ZNF850: variants seen among roughly 807,000 people sequenced by gnomAD.
The protein encoded by ZNF850 is zinc finger protein 850.
In ZNF850, 2 loss-of-function variants were observed where a neutral mutation model predicts 11.9. The ratio of observed to expected loss-of-function variants is 0.17; its 90% confidence interval spans 0.07 to 0.53. ZNF850 has a LOEUF of 0.53. Among genes scored for constraint, ZNF850 ranks in the 20% least tolerant of loss-of-function variants. The pLI is 0.94. For missense variants in ZNF850, 1,014 were observed against 1,316.4 expected, an observed-to-expected ratio of 0.77 and a Z score of 3.55; for synonymous variants, 381 against 443.0, an observed-to-expected ratio of 0.86 and a Z score of 1.76.
chr19:36,768,507 C>T (rs1051972159), intron 1 of ZNF850, among the ~76,000 whole-genome samples: 15 of 152,226 alleles, frequency 9.9e-5, no homozygotes, highest in African/African-American at 3.6e-4. Flanking sequence ...GTACAAAATG[C>T]CACCTTATAG....
chr19:36,750,000 G>A lies in ZNF850; in HGVS notation c.1040C>T (p.Ala347Val), dbSNP rs2040442446. 1 of 1,550,836 alleles carries A rather than the reference G, an allele frequency of 6.4e-7. No individual in the cohort carries two copies. Among genetic ancestry groups the A allele is most frequent in the Non-Finnish European group, 8.7e-7 (1 of 1,150,906 alleles). Residue 347 changes from alanine to valine, a missense_variant, in exon 5 of 5, where the codon GCT becomes GTT. This residue lies in a region of ZNF850 where 835 missense variants were observed against 1,022.0 expected (regional missense o/e 0.82). Coordinates refer to ENST00000591344, the MANE Select transcript of ZNF850 (RefSeq NM_001193552.2). ...ATGTCGAATTAGTGCTGAGCCTGAA[G>A]CAAAAGATTTTCCACATTCCTTACA... ...YDCKECGKSF[A>V]SGSALIRHQR...
chr19:36,764,623 C>T (rs141502224), intron 1 of ZNF850, among the ~76,000 whole-genome samples: 28 of 152,074 alleles, frequency 1.8e-4, no homozygotes, highest in African/African-American at 5.1e-4. Context: ...TCTCAAGATA[C>T]GCCAAAACTG....
chr19:36,752,013 C>G (rs1174257083), intron 4 of ZNF850, among the ~76,000 whole-genome samples: 1 of 151,920 alleles, frequency 6.6e-6, no homozygotes, highest in African/African-American at 2.4e-5. Context: ...ATCTCACTAG[C>G]AAAAAGGCCA....
In ZNF850 at chr19:36,750,005, A is replaced by C; in HGVS notation, c.1035T>G (p.Ser345=). 3.9e-6 allele frequency: 6 copies of C among 1,549,354 alleles called. No homozygotes were observed. The highest frequency in any genetic ancestry group is 5.2e-6 in the Non-Finnish European group (6 of 1,150,248). ...KPYDCKECGK[S]FASGSALIRH... ...GAATTAGTGCTGAGCCTGAAGCAAAAGATTTTCCACATTCCTTACAATCAT... is the reference window on the plus strand; with the variant it reads ...GAATTAGTGCTGAGCCTGAAGCAAACGATTTTCCACATTCCTTACAATCAT... The change falls in exon 5 of 5, where the codon TCT becomes TCG. Residue 345 remains serine, a synonymous_variant. Coordinates refer to ENST00000591344, the MANE Select transcript of ZNF850 (RefSeq NM_001193552.2).
Position 36,747,455 on chromosome 19 carries a change from C to G in ZNF850, c.*312G>C, listed in dbSNP as rs897635612. 1 of 211,610 alleles carries G rather than the reference C, an allele frequency of 4.7e-6. No individual in the cohort carries two copies. Among genetic ancestry groups the G allele is most frequent in the African/African-American group, 2.3e-5 (1 of 43,378 alleles). 13.1% of individuals were successfully genotyped at this position (211,610 alleles called of 1,614,324 possible). A position where few individuals can be genotyped will look rare whatever the true frequency, so the allele number is the denominator to read the frequency against. On this transcript the variant is annotated 3_prime_UTR_variant, in exon 5 of 5. Transcript: ENST00000591344. ...CCATCCTGGCTAACACAGTGAAACCCTGTCTCTACTAAAAATACAAAAACA... is the reference window on the plus strand; with the variant it reads ...CCATCCTGGCTAACACAGTGAAACCGTGTCTCTACTAAAAATACAAAAACA...
intron 1 of ZNF850, among the ~76,000 whole-genome samples, chr19:36,771,109 G>C (rs919087472): frequency 1.3e-4 from 20 of 152,178 alleles, no homozygotes; most frequent in African/African-American, 4.3e-4. Context: ...TAGGGTAAAG[G>C]CTCTTGTTTT....
rs575499911 is a variant in ZNF850, at chr19:36,749,538, C to A, written c.1502G>T (p.Gly501Val). 575 of 1,546,050 alleles carry A rather than the reference C, an allele frequency of 3.7e-4. 1 individual carries two copies. The highest frequency in any genetic ancestry group is 4.9e-4 in the Non-Finnish European group (560 of 1,150,730). The change falls in exon 5 of 5, where the codon GGT becomes GTT. Residue 501 changes from glycine to valine, a missense_variant. This residue lies in a region of ZNF850 where 835 missense variants were observed against 1,022.0 expected (regional missense o/e 0.82). Coordinates refer to ENST00000591344, the MANE Select transcript of ZNF850 (RefSeq NM_001193552.2). ...TRNRHQRIHT[G>V]EKPYNCKECG... is the part of the protein sequence containing the mutation. ...TTCTTTACAATTATAGGGTTTCTCA[C>A]CAGTGTGGATTCGCTGGTGTCGATT...
chr19:36,745,800 T>C lies in ZNF850; in HGVS notation c.*1967A>G, dbSNP rs938318536. On this transcript the variant is annotated 3_prime_UTR_variant, in exon 5 of 5. Transcript: ENST00000591344. The stretch of plus-strand genomic sequence containing the variant: ...TATATTCATAAGGTGGGAAGATTGC[T>C]TGAAGACAGGAATTCAAGACCAGCC... 7.2e-5 allele frequency: 11 copies of C among 152,272 alleles called. No homozygotes were observed. The highest frequency in any genetic ancestry group is 2.4e-4 in the African/African-American group (10 of 41,444). The allele number at this position is 152,272 out of a possible 1,614,324, so 9.4% of individuals were successfully genotyped here. A position where few individuals can be genotyped will look rare whatever the true frequency, so the allele number is the denominator to read the frequency against.
chr19:36,755,778 CA>C (rs2040482481), intron 4 of ZNF850, among the ~76,000 whole-genome samples: 1 of 150,584 alleles, frequency 6.6e-6, no homozygotes, highest in Admixed American at 6.6e-5. Flanking sequence ...GAAACAGAAC[CA>C]AAAGGCTTCA....
At chr19:36,768,868 G>A (rs1032438462) in intron 1 of ZNF850, among the ~76,000 whole-genome samples, 5 of 151,778 alleles carry the variant, frequency 3.3e-5, no homozygotes, top group African/African-American at 1.2e-4. Flanking sequence ...AGGCTGAAGT[G>A]GGAGGATCCC....
chr19:36,758,822 T>C (rs1412287640), intron 4 of ZNF850, among the ~76,000 whole-genome samples: 2 of 152,126 alleles, frequency 1.3e-5, no homozygotes, highest in Non-Finnish European at 2.9e-5. Context: ...CTCATGTCTG[T>C]AATCCCAGCA....
chr19:36,762,510 G>A, intron 2 of ZNF850, 79 bp from the exon 3 acceptor site: 2 of 1,535,218 alleles, frequency 1.3e-6, no homozygotes, highest in Non-Finnish European at 1.7e-6. Context: ...GAAGGGTGCT[G>A]AAGGATGGAG....
chr19:36,749,957 A>G lies in ZNF850; in HGVS notation c.1083T>C (p.Gly361=). The change falls in exon 5 of 5, where the codon GGT becomes GGC. Residue 361 remains glycine (G), a synonymous_variant. Transcript: ENST00000591344. ...ATTCCTTACAGTCATAGGGTTTCTC[A>G]CCAGTGTGAATTCGCTGATGTCGAA... ...ALIRHQRIHT[G]EKPYDCKECG... 6.4e-7 allele frequency: 1 copy of G among 1,568,250 alleles called. No individual in the cohort carries two copies.
Position 36,762,648 on chromosome 19 carries a change from G to A in ZNF850, c.-42C>T. On this transcript the variant is annotated 5_prime_UTR_variant, in exon 2 of 5. Coordinates refer to ENST00000591344, the MANE Select transcript of ZNF850 (RefSeq NM_001193552.2). Reference sequence around the variant, plus strand: ...GCCAGCAAACCTCCTTCATAGAATGGGACATTCCGAATATTCCATGGTTAG... The same window carrying A: ...GCCAGCAAACCTCCTTCATAGAATGAGACATTCCGAATATTCCATGGTTAG... 4 of 1,521,810 alleles carry A rather than the reference G, an allele frequency of 2.6e-6. No individual in the cohort carries two copies. Among genetic ancestry groups the A allele is most frequent in the Non-Finnish European group, 3.5e-6 (4 of 1,133,976 alleles). 94.3% of individuals were successfully genotyped at this position (1,521,810 alleles called of 1,614,324 possible).
At chr19:36,772,409 T>A (rs1453270221) in intron 1 of ZNF850, among the ~76,000 whole-genome samples, 1 of 152,044 alleles carries the variant, frequency 6.6e-6, no homozygotes, top group Non-Finnish European at 1.5e-5. Context: ...CAAGTTGCAC[T>A]TGCACAGCCA....
At position 36,762,579 on chromosome 19, in the gene ZNF850, A is replaced by G; in HGVS notation, c.12+16T>C. On this transcript the variant is annotated intron_variant, in intron 2 of 4. Transcript: ENST00000591344. The stretch of plus-strand genomic sequence containing the variant: ...TGGGGAAGAGTAAAAAAATTAGTGT[A>G]ACTTCAACAAAGTACCTCCATGTTC... 6.5e-7 allele frequency: 1 copy of G among 1,536,016 alleles called. No homozygotes were observed.
chr19:36,768,205 C>CA lies in ZNF850; in HGVS notation c.-70+4519dup, dbSNP rs35717572. Among the ~76,000 whole-genome samples, 1,163 of 135,304 alleles carry CA rather than the reference C, an allele frequency of 8.6e-3. 9 individuals carry two copies. Among genetic ancestry groups the CA allele is most frequent in the African/African-American group, 0.022 (836 of 37,914 alleles). The allele number at this position is 135,304 out of a possible 152,430, so 88.8% of individuals were successfully genotyped here. On this transcript the variant is annotated intron_variant, in intron 1 of 4. Coordinates refer to ENST00000591344, the MANE Select transcript of ZNF850 (RefSeq NM_001193552.2). ...TGGGTGACAGAGCAAGACCCTGTCTCAAAAAAAAAAAAAACTATAATATAG... is the reference window on the plus strand; with the variant it reads ...TGGGTGACAGAGCAAGACCCTGTCTCAAAAAAAAAAAAAAACTATAATATAG...
At chr19:36,757,956 G>A (rs551835059) in intron 4 of ZNF850, among the ~76,000 whole-genome samples, 1 of 152,222 alleles carries the variant, frequency 6.6e-6, no homozygotes, top group Non-Finnish European at 1.5e-5. Context: ...CAAAGCCCCG[G>A]AGTTACAGGT....
At chr19:36,754,171 CAAAA>C (rs61598199) in intron 4 of ZNF850, among the ~76,000 whole-genome samples, 2 of 73,076 alleles carry the variant, frequency 2.7e-5, no homozygotes, top group Non-Finnish European at 6.3e-5. Context: ...GACCCTGTCT[CAAAA>C]AAAAAAAAAA....
Sources: allele counts gnomAD v4.1 joint callset (sites outside exome capture counted in the v4.1 genomes callset), GRCh38; gene constraint gnomAD v4.1.1; regional missense constraint gnomAD v4.1.1; transcripts MANE v1.5; gene names NCBI Gene and HGNC (gene_info 2026-07-23, HGNC 2026-07-21).